The following DSCAM variants were observed in gnomAD, a reference collection of about 807,000 sequenced individuals.
The protein encoded by DSCAM is cell adhesion molecule DSCAM.
Under a neutral mutation model 217.7 loss-of-function variants are expected in DSCAM, and 47 were observed. The ratio of observed to expected loss-of-function variants is 0.22; its 90% confidence interval spans 0.17 to 0.28. DSCAM has a LOEUF of 0.28. DSCAM is among the 10% of genes least tolerant of loss of function. DSCAM has a pLI of 1.00. For missense variants in DSCAM, 2,080 were observed against 2,618.3 expected, an observed-to-expected ratio of 0.79 and a Z score of 4.49; for synonymous variants, 1,056 against 1,015.3, an observed-to-expected ratio of 1.04 and a Z score of -0.76.
chr21:40,096,214 C>T (rs2089674436), intron 20 of DSCAM, among the ~76,000 whole-genome samples: 1 of 152,142 alleles, frequency 6.6e-6, no homozygotes, highest in Non-Finnish European at 1.5e-5. Context: ...GAAGCCCCCT[C>T]CTCACGAGCC....
chr21:40,682,621 G>GAGAA (rs148842963), intron 3 of DSCAM, among the ~76,000 whole-genome samples: 20,930 of 69,816 alleles, frequency 0.3, 5,081 homozygotes, highest in Non-Finnish European at 0.35. Flanking sequence ...GAAAGAGAAA[G>GAGAA]AGAAAGAGAG....
At chr21:40,095,092 T>C (rs1601324697) in intron 20 of DSCAM, among the ~76,000 whole-genome samples, 1 of 152,274 alleles carries the variant, frequency 6.6e-6, no homozygotes. Flanking sequence ...TGGGGAGGCC[T>C]CACGATCACG....
intron 3 of DSCAM, among the ~76,000 whole-genome samples, chr21:40,576,857 A>T (rs1365394723): frequency 2.0e-5 from 3 of 152,076 alleles, no homozygotes; most frequent in Admixed American, 6.5e-5. Flanking sequence ...ATCACGAAAT[A>T]TCTTTTTATA....
At chr21:40,680,209 G>T (rs1004588229) in intron 3 of DSCAM, among the ~76,000 whole-genome samples, 61 of 152,140 alleles carry the variant, frequency 4.0e-4, no homozygotes, top group Non-Finnish European at 1.3e-4. Flanking sequence ...CTTGGTCCAG[G>T]TTGAATATGG....
rs537390710 is a variant in DSCAM, at chr21:40,555,081, T to A, written c.508+137729A>T. Among the ~76,000 whole-genome samples the A allele has an allele frequency of 6.6e-5, 10 of 152,346 alleles. 1 individual carries two copies. The South Asian group carries it at 1.9e-3, about 28-fold the overall frequency. ...GCATATTTTATATTTCAAAAATCTT[T>A]ATAGTTTATACATGATTAACTTGAA... On this transcript the variant is annotated intron_variant, in intron 3 of 32. Transcript: ENST00000400454.
At chr21:40,507,442 T>C (rs748760202) in intron 3 of DSCAM, among the ~76,000 whole-genome samples, 1 of 152,208 alleles carries the variant, frequency 6.6e-6, no homozygotes, top group Non-Finnish European at 1.5e-5. Flanking sequence ...CACTGCTGTA[T>C]TTCTATAGCA....
intron 1 of DSCAM, among the ~76,000 whole-genome samples, chr21:40,750,351 A>C (rs2091215814): frequency 6.6e-6 from 1 of 152,132 alleles, no homozygotes; most frequent in South Asian, 2.1e-4. Context: ...TAGCAGTGAT[A>C]ATTGACACTA....
At chr21:40,080,428 A>C in intron 24 of DSCAM, 88 bp from the exon 25 acceptor site, 1 of 1,167,150 alleles carries the variant, frequency 8.6e-7, no homozygotes. Context: ...TGGGTAATAG[A>C]ACGAGCATTC....
At chr21:40,390,716 C>T (rs1213658817) in intron 3 of DSCAM, among the ~76,000 whole-genome samples, 2 of 152,174 alleles carry the variant, frequency 1.3e-5, no homozygotes, top group African/African-American at 2.4e-5. Context: ...TCTATCTTCA[C>T]ATGGCCATGT....
intron 1 of DSCAM, among the ~76,000 whole-genome samples, chr21:40,759,289 T>A (rs1168251347): frequency 6.6e-6 from 1 of 152,034 alleles, no homozygotes; most frequent in Admixed American, 6.6e-5. Flanking sequence ...CCCACCACTC[T>A]CCATGACCCC....
rs1372732437 is a variant in DSCAM, at chr21:40,306,419, T to C, written c.2062+5662A>G. ...ACAATTGGACTTCCTCTTTTCCTAA[T>C]TGAATACCCTTTATTTCCTTCTCCT... On this transcript the variant is annotated intron_variant, in intron 9 of 32. Transcript: ENST00000400454. 4.6e-5 allele frequency among the ~76,000 whole-genome samples: 7 copies of C among 150,776 alleles called. No individual in the cohort carries two copies. The East Asian group carries it at 5.9e-4, about 13-fold the overall frequency.
At chr21:40,585,594 T>C (rs1256654935) in intron 3 of DSCAM, among the ~76,000 whole-genome samples, 1 of 152,158 alleles carries the variant, frequency 6.6e-6, no homozygotes, top group African/African-American at 2.4e-5. Context: ...TCCACCCACC[T>C]CTCAGCAGTA....
chr21:40,229,739 T>C (rs1352529928), intron 11 of DSCAM, among the ~76,000 whole-genome samples: 1 of 152,242 alleles, frequency 6.6e-6, no homozygotes, highest in Non-Finnish European at 1.5e-5. Context: ...TTTGTATTTA[T>C]TCATCAGTTG....
At position 40,362,295 on chromosome 21, in the gene DSCAM, A is replaced by T. The variant is rs375364700; in HGVS notation, c.655+6804T>A. On this transcript the variant is annotated intron_variant, in intron 4 of 32. Coordinates refer to ENST00000400454, the MANE Select transcript of DSCAM (RefSeq NM_001389.5). ...AAAACTTAAAGTATAATAATAATAA[A>T]AAAAAAGAAACCAGGTAGTTACCAT... 3.5e-4 allele frequency among the ~76,000 whole-genome samples: 53 copies of T among 152,310 alleles called. 1 individual carries two copies. The East Asian group carries it at 5.0e-3, about 14-fold the overall frequency.
chr21:40,084,555 C>CACAG (rs2089506482), intron 23 of DSCAM, among the ~76,000 whole-genome samples: 2 of 130,394 alleles, frequency 1.5e-5, no homozygotes, highest in Non-Finnish European at 1.6e-5. Context: ...CACACACACA[C>CACAG]AGAAAATCAA....
At chr21:40,843,302 T>A (rs894211890) in intron 1 of DSCAM, among the ~76,000 whole-genome samples, 1 of 151,218 alleles carries the variant, frequency 6.6e-6, no homozygotes, top group Non-Finnish European at 1.5e-5. Flanking sequence ...TCAGGCCCCA[T>A]GAAAGCGGAT....
chr21:40,845,099 C>T (rs2092133641), intron 1 of DSCAM, among the ~76,000 whole-genome samples: 1 of 152,186 alleles, frequency 6.6e-6, no homozygotes, highest in Non-Finnish European at 1.5e-5. Flanking sequence ...GCACATCTGT[C>T]CCTGAAGGGA....
intron 4 of DSCAM, among the ~76,000 whole-genome samples, chr21:40,354,369 T>C (rs2074667495): frequency 6.6e-6 from 1 of 152,038 alleles, no homozygotes; most frequent in Non-Finnish European, 1.5e-5. Flanking sequence ...ATAAAATTAA[T>C]AAAATAAATA....
chr21:40,729,818 T>C (rs907039863), intron 1 of DSCAM, among the ~76,000 whole-genome samples: 1 of 152,142 alleles, frequency 6.6e-6, no homozygotes, highest in Admixed American at 6.5e-5. Context: ...ATGGTGAAAA[T>C]GTAGCACATT....
Sources: allele counts gnomAD v4.1 joint callset (sites outside exome capture counted in the v4.1 genomes callset), GRCh38; gene constraint gnomAD v4.1.1; transcripts MANE v1.5; gene names NCBI Gene and HGNC (gene_info 2026-07-23, HGNC 2026-07-21).